NCOA7: variants seen among roughly 807,000 people sequenced by gnomAD.
The protein encoded by NCOA7 is 140 kDa estrogen receptor-associated protein.
A neutral mutation model predicts 104.3 loss-of-function variants in NCOA7; 45 were observed. The ratio of observed to expected loss-of-function variants is 0.43; its 90% CI spans 0.34 to 0.55. The LOEUF is 0.55. Ranked by LOEUF, NCOA7 falls within the 20% of genes least tolerant of loss-of-function variation. The probability of loss-of-function intolerance (pLI) is 0.02; values close to 1 mark genes in which losing one functional copy is unlikely to be tolerated. For synonymous variants in NCOA7, 398 were observed against 402.3 expected, an observed-to-expected ratio of 0.99 and a Z score of 0.13; for missense variants, 1,041 against 1,119.7, an observed-to-expected ratio of 0.93 and a Z score of 1.00.
intron 1 of NCOA7, among the ~76,000 whole-genome samples, chr6:125,784,583 A>G (rs923465463): frequency 3.9e-5 from 6 of 152,240 alleles, no homozygotes; most frequent in Non-Finnish European, 5.9e-5. Flanking sequence ...AAACCTGCAA[A>G]TGAATGTTCA....
chr6:125,896,015 T>A (rs939766011), intron 10 of NCOA7, among the ~76,000 whole-genome samples: 7 of 147,766 alleles, frequency 4.7e-5, no homozygotes, highest in Non-Finnish European at 7.4e-5. Context: ...ATATATAAAA[T>A]ATATATATAT....
At chr6:125,884,961 G>C (rs982124919) in intron 7 of NCOA7, among the ~76,000 whole-genome samples, 198 bp from the exon 8 acceptor site, 3 of 152,184 alleles carry the variant, frequency 2.0e-5, no homozygotes, top group African/African-American at 7.2e-5. Flanking sequence ...AGCCACATCT[G>C]TTTTCTCTGC....
intron 11 of NCOA7, among the ~76,000 whole-genome samples, chr6:125,917,157 C>T (rs1250118624): frequency 6.8e-6 from 1 of 148,044 alleles, no homozygotes; most frequent in Non-Finnish European, 1.5e-5. Context: ...ATCCTTATTA[C>T]TAGAGACATT....
At chr6:125,884,642 T>C (rs898819267) in intron 7 of NCOA7, among the ~76,000 whole-genome samples, 2 of 152,224 alleles carry the variant, frequency 1.3e-5, no homozygotes, top group South Asian at 4.1e-4. Flanking sequence ...TTGACTTTTG[T>C]TGGATATGGG....
chr6:125,875,775 C>T (rs1783320128), intron 4 of NCOA7, among the ~76,000 whole-genome samples: 1 of 152,138 alleles, frequency 6.6e-6, no homozygotes, highest in South Asian at 2.1e-4. Flanking sequence ...ATTCATATAT[C>T]CATGAAGAGA....
intron 2 of NCOA7, among the ~76,000 whole-genome samples, chr6:125,853,309 G>A (rs1402316275): frequency 6.6e-6 from 1 of 152,194 alleles, no homozygotes; most frequent in East Asian, 1.9e-4. Context: ...TTATGAAGGA[G>A]TCTTCAGGGT....
chr6:125,820,751 G>T (rs1184378508), intron 2 of NCOA7, among the ~76,000 whole-genome samples: 1 of 152,148 alleles, frequency 6.6e-6, no homozygotes, highest in East Asian at 1.9e-4. Flanking sequence ...CAGCCCATGA[G>T]CTGCTCCTGT....
At chr6:125,871,624 T>TA in intron 3 of NCOA7, among the ~76,000 whole-genome samples, 1 of 152,220 alleles carries the variant, frequency 6.6e-6, no homozygotes, top group Non-Finnish European at 1.5e-5. Flanking sequence ...GGTGTGATGT[T>TA]ACATCAGTGA....
intron 2 of NCOA7, among the ~76,000 whole-genome samples, chr6:125,851,057 T>C (rs1781078639): frequency 1.3e-5 from 2 of 152,220 alleles, no homozygotes; most frequent in African/African-American, 2.4e-5. Context: ...ATGAAAATAA[T>C]TCCTTTTTAT....
At chr6:125,859,608 T>C (rs1781874012) in intron 3 of NCOA7, among the ~76,000 whole-genome samples, 2 of 152,090 alleles carry the variant, frequency 1.3e-5, no homozygotes, top group African/African-American at 2.4e-5. Context: ...ATATTAATAA[T>C]CAGAAAATAG....
intron 11 of NCOA7, 76 bp downstream of exon 11, chr6:125,915,556 A>G: frequency 6.4e-7 from 1 of 1,563,324 alleles, no homozygotes; most frequent in Non-Finnish European, 8.8e-7. Context: ...ATTCCATGTA[A>G]CAGGCTGGTA....
rs1188814011 is a variant in NCOA7 at position 125,889,571 on chromosome 6, G to A, written c.1517G>A (p.Arg506Gln). ...VDKQSGSPESRVENTLNIHED... is the reference protein window; with the variant it reads ...VDKQSGSPESQVENTLNIHED... The stretch of plus-strand genomic sequence containing the variant: ...AAGCAGTCTGGTTCGCCAGAAAGCC[G>A]AGTAGAAAACACACTGAACATACAT... Residue 506 changes from arginine (R) to glutamine (Q), a missense_variant, in exon 9 of 16, where the codon CGA (arginine) becomes CAA (glutamine). Physicochemically the swap from Arg to Gln is conservative, Grantham distance 43. Around this residue, in one of 2 missense-constraint regions of NCOA7, gnomAD observed 914 missense variants for 942.7 expected, o/e 0.97. Coordinates refer to ENST00000392477, the MANE Select transcript of NCOA7 (RefSeq NM_181782.5). 2 of 1,613,966 alleles carry A rather than the reference G, an allele frequency of 1.2e-6. No homozygotes were observed. Among genetic ancestry groups the A allele is most frequent in the South Asian group, 1.1e-5 (1 of 91,064 alleles).
At chr6:125,861,206 C>G (rs1336615712) in intron 3 of NCOA7, among the ~76,000 whole-genome samples, 1 of 152,154 alleles carries the variant, frequency 6.6e-6, no homozygotes, top group African/African-American at 2.4e-5. Context: ...GGTTTTTTGA[C>G]AATGTGGAAG....
intron 1 of NCOA7, among the ~76,000 whole-genome samples, chr6:125,798,982 T>C (rs994738261): frequency 3.9e-5 from 6 of 152,154 alleles, no homozygotes; most frequent in African/African-American, 1.4e-4. Flanking sequence ...TTAGCTCTCT[T>C]GCTTTAGGTA....
Position 125,931,531 on chromosome 6 carries a change from C to T in NCOA7, c.*2760C>T, listed in dbSNP as rs61284774. On this transcript the variant is annotated 3_prime_UTR_variant, in exon 16 of 16. Transcript: ENST00000392477. Reference sequence around the variant, plus strand: ...AAGCAGTCTTCATTGCTTCATAATTCCTCAGTTCATAAGTCCATATCAAAG... The same window carrying T: ...AAGCAGTCTTCATTGCTTCATAATTTCTCAGTTCATAAGTCCATATCAAAG... 1 of 152,054 alleles carries T rather than the reference C, an allele frequency of 6.6e-6. No individual in the cohort carries two copies. The highest frequency in any genetic ancestry group is 2.4e-5 in the African/African-American group (1 of 41,386). The allele number at this position is 152,054 out of a possible 1,614,324, so 9.4% of individuals were successfully genotyped here.
At chr6:125,910,967 C>T (rs927603609) in intron 10 of NCOA7, among the ~76,000 whole-genome samples, 4 of 152,070 alleles carry the variant, frequency 2.6e-5, no homozygotes, top group Admixed American at 1.3e-4. Context: ...TGATCAGACC[C>T]AACACCAGGT....
At chr6:125,919,804 A>G (rs1787412656) in intron 11 of NCOA7, among the ~76,000 whole-genome samples, 2 of 152,246 alleles carry the variant, frequency 1.3e-5, no homozygotes, top group Non-Finnish European at 2.9e-5. Context: ...TTACTTGTAA[A>G]TCTGGCTCAG....
rs369614528 is a variant in NCOA7, at chr6:125,889,052, G to A, written c.998G>A (p.Arg333Gln). ...SKFKSINKEKRQQNGEKIMTS... is the reference protein window; with the variant it reads ...SKFKSINKEKQQQNGEKIMTS... ...TTCAAATCTATCAACAAGGAAAAAC[G>A]ACAGCAGAATGGAGAGAAAATTATG... Residue 333 changes from arginine to glutamine, a missense_variant, in exon 9 of 16, where the codon CGA (arginine) becomes CAA (glutamine). Coordinates refer to ENST00000392477, the MANE Select transcript of NCOA7 (RefSeq NM_181782.5). 1.4e-5 allele frequency: 22 copies of A among 1,613,954 alleles called. No individual in the cohort carries two copies. The highest frequency in any genetic ancestry group is 1.3e-4 in the African/African-American group (10 of 74,914).
chr6:125,811,407 C>T (rs1776992067), intron 1 of NCOA7, among the ~76,000 whole-genome samples: 1 of 152,078 alleles, frequency 6.6e-6, no homozygotes, highest in Non-Finnish European at 1.5e-5. Flanking sequence ...ATGGTTGGGG[C>T]GAGGAGACTA....
Sources: allele counts gnomAD v4.1 joint callset (sites outside exome capture counted in the v4.1 genomes callset), GRCh38; gene constraint gnomAD v4.1.1; regional missense constraint gnomAD v4.1.1; transcripts MANE v1.5; gene names NCBI Gene and HGNC (gene_info 2026-07-23, HGNC 2026-07-21).